The following CENPL variants were observed in gnomAD, a reference collection of about 807,000 sequenced individuals.
CENPL encodes interphase centromere complex protein 33.
Under a neutral mutation model 35.2 loss-of-function variants are expected in CENPL, and 20 were observed. The observed-to-expected ratio is 0.57, with a 90% CI of 0.40 to 0.83. The LOEUF (loss-of-function observed/expected upper bound fraction) is 0.83. Ranked by LOEUF, CENPL falls within the 40% of genes least tolerant of loss-of-function variation. CENPL has a pLI of 0.00. For synonymous variants in CENPL, 140 were observed against 140.6 expected (o/e 1.00, Z 0.03); for missense variants, 363 against 395.8 (o/e 0.92, Z 0.70).
chr1:173,803,369 G>A lies in CENPL; in HGVS notation c.557C>T (p.Ala186Val), dbSNP rs780754361. Residue 186 changes from alanine (A) to valine (V), a missense_variant, in exon 5 of 6, where the codon GCA (alanine) becomes GTA (valine). Ala to Val is a moderately conservative substitution (Grantham distance 64, BLOSUM62 0). Coordinates refer to ENST00000682279, the MANE Select transcript of CENPL (RefSeq NM_001387287.1). ...EDFTCLPLFL[A>V]NGAESNTAII... ...TGCTGTGTTAGACTCTGCTCCATTT[G>A]CAAGGAATAAGGGCAGACAGGTGAA... 3 of 1,613,870 alleles carry A rather than the reference G, an allele frequency of 1.9e-6. No individual in the cohort carries two copies. In the African/African-American group the frequency reaches 4.0e-5, roughly 22 times the overall value.
intron 4 of CENPL, among the ~76,000 whole-genome samples, chr1:173,804,376 C>T (rs1650025987): frequency 6.6e-6 from 1 of 152,226 alleles, no homozygotes; most frequent in African/African-American, 2.4e-5. Context: ...GTTTCTTCAA[C>T]CATTCACCTA....
In CENPL at chr1:173,807,372, T is replaced by G; in HGVS notation, c.315A>C (p.Lys105Asn). ...LNAFIVAEKQKGLAVEVGEDF... is the reference protein window; with the variant it reads ...LNAFIVAEKQNGLAVEVGEDF... The stretch of plus-strand genomic sequence containing the variant: ...CTTCTCCCACTTCCACAGCAAGTCC[T>G]TTTTGCTTTTCAGCAACAATAAAAG... Residue 105 changes from lysine (K) to asparagine (N), a missense_variant, in exon 4 of 6, where the codon AAA (lysine) becomes AAC (asparagine). Coordinates refer to ENST00000682279, the MANE Select transcript of CENPL (RefSeq NM_001387287.1). 1 of 1,613,680 alleles carries G rather than the reference T, an allele frequency of 6.2e-7. No individual in the cohort carries two copies. Among genetic ancestry groups the G allele is most frequent in the Non-Finnish European group, 8.5e-7 (1 of 1,179,720 alleles).
chr1:173,806,103 TCCAATAAAA>T (rs1440736252), intron 4 of CENPL, among the ~76,000 whole-genome samples: 2 of 152,196 alleles, frequency 1.3e-5, no homozygotes, highest in Non-Finnish European at 2.9e-5. Context: ...GGGGCTATGT[TCCAATAAAA>T]CCTTATTTAC....
At chr1:173,815,251 A>C (rs781549034) in intron 2 of CENPL, among the ~76,000 whole-genome samples, 1 of 152,238 alleles carries the variant, frequency 6.6e-6, no homozygotes, top group Non-Finnish European at 1.5e-5. Context: ...AAATTCTACC[A>C]GATGTACAAA....
intron 5 of CENPL, among the ~76,000 whole-genome samples, 164 bp downstream of exon 5, chr1:173,802,799 G>C (rs1649871304): frequency 6.6e-6 from 1 of 152,176 alleles, no homozygotes; most frequent in Admixed American, 6.5e-5. Context: ...GCTATATCTA[G>C]AAGGCTAAAG....
intron 2 of CENPL, among the ~76,000 whole-genome samples, chr1:173,820,687 G>A (rs1277555612): frequency 6.6e-6 from 1 of 152,146 alleles, no homozygotes; most frequent in Non-Finnish European, 1.5e-5. Flanking sequence ...GTGGGTGAAT[G>A]ATAAATAAAC....
At chr1:173,814,480 T>G (rs184105412) in intron 2 of CENPL, among the ~76,000 whole-genome samples, 1 of 152,296 alleles carries the variant, frequency 6.6e-6, no homozygotes, top group Admixed American at 6.5e-5. Context: ...CACAACAAAC[T>G]GTCTCTCAGA....
At chr1:173,821,759 T>C (rs1225774594) in intron 2 of CENPL, 4 of 152,922 alleles carry the variant, frequency 2.6e-5, no homozygotes, top group Non-Finnish European at 5.8e-5. Context: ...AGAGGTCCTC[T>C]TACTTGTATC....
chr1:173,822,829 C>T (rs1652092882), intron 2 of CENPL: 1 of 152,324 alleles, frequency 6.6e-6, no homozygotes, highest in Non-Finnish European at 1.5e-5. Context: ...CCTCCACCTC[C>T]CAGGTTCAAG....
chr1:173,809,058 A>T (rs1442418126), intron 3 of CENPL, among the ~76,000 whole-genome samples: 1 of 152,150 alleles, frequency 6.6e-6, no homozygotes, highest in East Asian at 1.9e-4. Context: ...AAAATGGGCC[A>T]GGTCAGGCGT....
intron 2 of CENPL, among the ~76,000 whole-genome samples, chr1:173,812,350 G>T (rs1272248464): frequency 6.6e-6 from 1 of 152,252 alleles, no homozygotes; most frequent in African/African-American, 2.4e-5. Context: ...ACTAAGAACA[G>T]ACAGACTGCC....
At chr1:173,818,171 T>G (rs938117981) in intron 2 of CENPL, among the ~76,000 whole-genome samples, 1 of 151,978 alleles carries the variant, frequency 6.6e-6, no homozygotes, top group Admixed American at 6.6e-5. Flanking sequence ...ATAAAATAAA[T>G]TTTTTAAAAA....
chr1:173,812,255 A>C (rs1650907094), intron 2 of CENPL, among the ~76,000 whole-genome samples: 1 of 152,268 alleles, frequency 6.6e-6, no homozygotes, highest in African/African-American at 2.4e-5. Flanking sequence ...GCTGAACAAA[A>C]GGCAGCAGAA....
intron 5 of CENPL, among the ~76,000 whole-genome samples, chr1:173,801,139 T>C (rs1649711747): frequency 1.3e-5 from 2 of 149,216 alleles, no homozygotes; most frequent in Admixed American, 6.6e-5. Context: ...CAAATCTTGA[T>C]TCTTCCTCTT....
Position 173,800,357 on chromosome 1 carries a change from G to A in CENPL, c.*91C>T. 1.7e-6 allele frequency: 1 copy of A among 596,582 alleles called. No individual in the cohort carries two copies. Among genetic ancestry groups the A allele is most frequent in the Non-Finnish European group, 3.1e-6 (1 of 326,072 alleles). 37.0% of individuals were successfully genotyped at this position (596,582 alleles called of 1,614,324 possible). ...GGGGAAAACAGATGCAGAGATAGAT[G>A]CCTATTTCTCCTGCAGTCTCTTTCA... On this transcript the variant is annotated 3_prime_UTR_variant, in exon 6 of 6. Coordinates refer to ENST00000682279, the MANE Select transcript of CENPL (RefSeq NM_001387287.1).
At chr1:173,801,850 G>A (rs1649778604) in intron 5 of CENPL, among the ~76,000 whole-genome samples, 1 of 151,082 alleles carries the variant, frequency 6.6e-6, no homozygotes. Context: ...GATAAAAATA[G>A]TAAAAAAAGT....
At chr1:173,823,520 G>C (rs1270380584) in intron 2 of CENPL, 1 of 152,152 alleles carries the variant, frequency 6.6e-6, no homozygotes, top group East Asian at 1.9e-4. Context: ...TCACTCTACT[G>C]TTCTCCCTGC....
chr1:173,810,812 T>G lies in CENPL; in HGVS notation c.168+320A>C, dbSNP rs987480092. On this transcript the variant is annotated intron_variant, in intron 3 of 5. Coordinates refer to ENST00000682279, the MANE Select transcript of CENPL (RefSeq NM_001387287.1). ...AGCGGGCGCCTGTAGTCCCAGCTAC[T>G]GGGGAGGCTGAGGCAGGAGAATGGC... 6.6e-5 allele frequency among the ~76,000 whole-genome samples: 10 copies of G among 152,080 alleles called. No individual in the cohort carries two copies. The East Asian group carries it at 1.9e-3, about 29-fold the overall frequency.
At chr1:173,801,563 G>A (rs1216551495) in intron 5 of CENPL, among the ~76,000 whole-genome samples, 1 of 150,378 alleles carries the variant, frequency 6.6e-6, no homozygotes, top group African/African-American at 2.5e-5. Context: ...GCTCATGCCT[G>A]TAATCCCAAC....
Sources: allele counts gnomAD v4.1 joint callset (sites outside exome capture counted in the v4.1 genomes callset), GRCh38; gene constraint gnomAD v4.1.1; transcripts MANE v1.5; gene names NCBI Gene and HGNC (gene_info 2026-07-23, HGNC 2026-07-21).